MGST1: variants seen among roughly 807,000 people sequenced by gnomAD.
MGST1 encodes the protein glutathione S-transferase 12.
Under a neutral mutation model 8.9 loss-of-function variants are expected in MGST1, and 5 were observed. The ratio of observed to expected loss-of-function variants is 0.56; its 90% confidence interval spans 0.29 to 1.19. The LOEUF (loss-of-function observed/expected upper bound fraction) is 1.19, where lower values mean the gene tolerates loss of function less well. MGST1 is among the 50% of genes most tolerant of loss of function. The pLI is 0.08. For synonymous variants in MGST1, 54 were observed against 67.8 expected (o/e 0.80, Z 1.00); for missense variants, 182 against 187.4 (o/e 0.97, Z 0.17).
intron 4 of MGST1, chr12:16,550,075 CTTTG>C: frequency 6.6e-6 from 1 of 152,010 alleles, no homozygotes; most frequent in African/African-American, 2.4e-5. Flanking sequence ...TTATCAATCC[CTTTG>C]TTTCTCTTCT....
At chr12:16,515,742 C>T (rs1374948439) in intron 4 of MGST1, among the ~76,000 whole-genome samples, 1 of 152,072 alleles carries the variant, frequency 6.6e-6, no homozygotes, top group East Asian at 1.9e-4. Flanking sequence ...CACACTTTAT[C>T]TCAGCATCCT....
chr12:16,359,024 G>A (rs1005580249), intron 3 of MGST1, among the ~76,000 whole-genome samples: 1 of 151,714 alleles, frequency 6.6e-6, no homozygotes, highest in African/African-American at 2.4e-5. Context: ...TCTGCAATTG[G>A]TTATGCTGGA....
intron 4 of MGST1, among the ~76,000 whole-genome samples, chr12:16,588,488 A>G (rs990467419): frequency 6.6e-6 from 1 of 152,102 alleles, no homozygotes; most frequent in African/African-American, 2.4e-5. Flanking sequence ...AAGGCCATAG[A>G]ACTTTTATAA....
At chr12:16,406,851 T>C (rs899690075) in intron 1 of MGST1, among the ~76,000 whole-genome samples, 8 of 152,242 alleles carry the variant, frequency 5.3e-5, no homozygotes, top group African/African-American at 1.9e-4. Context: ...TGGCTAGCTA[T>C]ATGCAGAAGA....
intron 1 of MGST1, among the ~76,000 whole-genome samples, chr12:16,423,333 G>A (rs1940854354): frequency 6.6e-6 from 1 of 152,134 alleles, no homozygotes; most frequent in Non-Finnish European, 1.5e-5. Flanking sequence ...TTTTCTCAGT[G>A]TATAAGATTA....
intron 4 of MGST1, among the ~76,000 whole-genome samples, chr12:16,519,213 A>G (rs546414704): frequency 5.9e-4 from 90 of 152,322 alleles, no homozygotes; most frequent in Non-Finnish European, 1.2e-3. Flanking sequence ...GCCGTGAAGC[A>G]TGTAAATATT....
chr12:16,539,160 T>C (rs968634694), intron 4 of MGST1, among the ~76,000 whole-genome samples: 2 of 152,148 alleles, frequency 1.3e-5, no homozygotes, highest in Non-Finnish European at 2.9e-5. Context: ...TTTATTGAAA[T>C]TAATATGGTG....
intron 4 of MGST1, chr12:16,549,864 A>G (rs915099621): frequency 1.3e-5 from 2 of 152,084 alleles, no homozygotes; most frequent in Non-Finnish European, 2.9e-5. Context: ...TCTTCTTTGT[A>G]TGCTATCACG....
intron 4 of MGST1, among the ~76,000 whole-genome samples, chr12:16,480,774 A>G (rs1941358559): frequency 6.6e-6 from 1 of 152,042 alleles, no homozygotes; most frequent in South Asian, 2.1e-4. Context: ...TGTTTGTTTG[A>G]TTAAACCATC....
intron 4 of MGST1, among the ~76,000 whole-genome samples, chr12:16,573,287 A>C (rs1412566813): frequency 6.6e-6 from 1 of 152,224 alleles, no homozygotes. Flanking sequence ...TTAGTGAATG[A>C]AGTCAGATAT....
intron 1 of MGST1, among the ~76,000 whole-genome samples, chr12:16,435,870 G>T (rs1940980705): frequency 6.6e-6 from 1 of 151,768 alleles, no homozygotes; most frequent in African/African-American, 2.4e-5. Context: ...ACTACTCTAG[G>T]GGTATTTCAG....
intron 4 of MGST1, among the ~76,000 whole-genome samples, chr12:16,516,759 T>A (rs1042710448): frequency 6.6e-6 from 1 of 152,168 alleles, no homozygotes; most frequent in Non-Finnish European, 1.5e-5. Flanking sequence ...CCTGAGCTAA[T>A]ATGTACTTGC....
intron 2 of MGST1, 62 bp from the exon 3 acceptor site, chr12:16,357,543 G>C: frequency 7.9e-7 from 1 of 1,262,686 alleles, no homozygotes; most frequent in South Asian, 1.3e-5. Flanking sequence ...TGGAATTACA[G>C]GTGTGAGCTA....
At chr12:16,388,864 C>G (rs543062873) in intron 1 of MGST1, among the ~76,000 whole-genome samples, 2 of 152,180 alleles carry the variant, frequency 1.3e-5, no homozygotes, top group African/African-American at 4.8e-5. Context: ...AGGAGCTGTA[C>G]TCTGTCCTTC....
chr12:16,429,469 A>G (rs766213402), intron 1 of MGST1, among the ~76,000 whole-genome samples: 2 of 149,022 alleles, frequency 1.3e-5, no homozygotes, highest in Non-Finnish European at 3.0e-5. Flanking sequence ...TATTTCTTCA[A>G]TCATATCTTT....
intron 4 of MGST1, among the ~76,000 whole-genome samples, chr12:16,474,332 T>C (rs1565461165): frequency 6.6e-6 from 1 of 152,244 alleles, no homozygotes; most frequent in African/African-American, 2.4e-5. Flanking sequence ...ATTTTAATTT[T>C]ACATTTCATC....
downstream of MGST1, among the ~76,000 whole-genome samples, chr12:16,379,613 T>G (rs1299925304): frequency 6.6e-6 from 1 of 152,202 alleles, no homozygotes; most frequent in Non-Finnish European, 1.5e-5. Flanking sequence ...ATTCTCTTTT[T>G]TGGTTGTGTC....
intron 1 of MGST1, among the ~76,000 whole-genome samples, chr12:16,430,114 C>A (rs930320589): frequency 1.3e-5 from 2 of 152,158 alleles, no homozygotes; most frequent in African/African-American, 4.8e-5. Flanking sequence ...ACTTTCTTTG[C>A]TCATCTGTAA....
At chr12:16,567,227 A>G (rs1942649887) in intron 4 of MGST1, among the ~76,000 whole-genome samples, 1 of 151,892 alleles carries the variant, frequency 6.6e-6, no homozygotes, top group Admixed American at 6.6e-5. Context: ...CAAACAAACA[A>G]AAAACTACAA....
Sources: gnomAD v4.1 joint callset for allele counts (sites outside exome capture counted in the v4.1 genomes callset) on GRCh38, gnomAD v4.1.1 for gene constraint, MANE v1.5 for transcripts, NCBI Gene and HGNC (gene_info 2026-07-23, HGNC 2026-07-21) for gene names.